The following SHCBP1 variants were observed in gnomAD, a reference collection of about 807,000 sequenced individuals.
The protein encoded by SHCBP1 is SHC SH2 domain-binding protein 1.
Under a neutral mutation model 75.1 loss-of-function variants are expected in SHCBP1, and 60 were observed. The ratio of observed to expected loss-of-function variants is 0.80; its 90% confidence interval spans 0.65 to 0.99. The LOEUF is 0.99. Ranked by LOEUF, SHCBP1 falls within the 50% of genes least tolerant of loss-of-function variation. The pLI is 0.00. For synonymous variants in SHCBP1, 290 were observed against 293.2 expected (o/e 0.99, Z 0.11); for missense variants, 709 against 809.4 (o/e 0.88, Z 1.50).
At chr16:46,589,890 G>A (rs1253851876) in intron 10 of SHCBP1, among the ~76,000 whole-genome samples, 1 of 152,130 alleles carries the variant, frequency 6.6e-6, no homozygotes, top group African/African-American at 2.4e-5. Context: ...GAACAAAGCT[G>A]GAGGCATCAC....
At chr16:46,591,006 C>A (rs909072682) in intron 10 of SHCBP1, among the ~76,000 whole-genome samples, 23 of 152,222 alleles carry the variant, frequency 1.5e-4, no homozygotes, top group African/African-American at 4.3e-4. Flanking sequence ...GATGAGTTCA[C>A]GTCCTTTGTA....
At chr16:46,608,603 CT>C (rs34823071) in intron 4 of SHCBP1, among the ~76,000 whole-genome samples, 23 of 126,988 alleles carry the variant, frequency 1.8e-4, no homozygotes, top group Admixed American at 2.6e-4. Flanking sequence ...TTTGTTAGGA[CT>C]TTTTTTTTTT....
intron 8 of SHCBP1, among the ~76,000 whole-genome samples, chr16:46,602,414 A>G (rs1030256266): frequency 4.6e-5 from 7 of 152,218 alleles, no homozygotes; most frequent in African/African-American, 1.7e-4. Context: ...GATAAAGAGC[A>G]TAGCTTAAGC....
intron 4 of SHCBP1, among the ~76,000 whole-genome samples, chr16:46,615,442 T>C (rs950539875): frequency 6.6e-6 from 1 of 152,176 alleles, no homozygotes; most frequent in African/African-American, 2.4e-5. Context: ...ATAAAATGAT[T>C]TAAAACATTT....
At chr16:46,589,781 A>C (rs1471941226) in intron 10 of SHCBP1, among the ~76,000 whole-genome samples, 1 of 152,240 alleles carries the variant, frequency 6.6e-6, no homozygotes, top group African/African-American at 2.4e-5. Context: ...ATCCCCATCA[A>C]GCTACCAAGG....
intron 4 of SHCBP1, among the ~76,000 whole-genome samples, chr16:46,614,393 C>T (rs776889208): frequency 2.0e-5 from 3 of 152,056 alleles, no homozygotes; most frequent in Non-Finnish European, 4.4e-5. Flanking sequence ...TCTTCTAGTT[C>T]CTGAAGGAAT....
chr16:46,599,910 AG>A lies in SHCBP1; in HGVS notation c.1265del (p.Thr422IlefsTer15). On this transcript the variant is annotated frameshift_variant, in exon 9 of 13. Transcript: ENST00000303383. LOFTEE classifies it high-confidence loss of function. ...TATCAGCACCAGTGCAGTCCACAAA[AG>A]TGTCGCCTTTGCCCCTCTTTTCTAT... The part of the protein sequence containing the change: ...IVIEKRGKGD[T>X]FVDCTGADIK... 1 of 1,613,730 alleles carries A rather than the reference AG, an allele frequency of 6.2e-7. No individual in the cohort carries two copies. The highest frequency in any genetic ancestry group is 8.5e-7 in the Non-Finnish European group (1 of 1,179,896).
chr16:46,619,959 C>T (rs1474023343), intron 1 of SHCBP1, among the ~76,000 whole-genome samples: 2 of 152,022 alleles, frequency 1.3e-5, no homozygotes, highest in African/African-American at 2.4e-5. Flanking sequence ...CATTTGAACC[C>T]GGGAGGCAGA....
chr16:46,605,286 G>T (rs967868044), intron 5 of SHCBP1, among the ~76,000 whole-genome samples: 5 of 152,090 alleles, frequency 3.3e-5, no homozygotes, highest in African/African-American at 1.2e-4. Flanking sequence ...AAATTAATGG[G>T]TTTAAAAATA....
intron 5 of SHCBP1, 24 bp from the exon 6 acceptor site, chr16:46,604,485 A>T: frequency 6.5e-7 from 1 of 1,528,018 alleles, no homozygotes; most frequent in Non-Finnish European, 9.1e-7. Context: ...AGCAAAGTGA[A>T]ATCCACTGCC....
intron 10 of SHCBP1, among the ~76,000 whole-genome samples, chr16:46,587,605 G>C (rs1207696199): frequency 6.6e-6 from 1 of 151,882 alleles, no homozygotes; most frequent in East Asian, 1.9e-4. Flanking sequence ...ATATATATGG[G>C]TGCATATAAC....
intron 4 of SHCBP1, among the ~76,000 whole-genome samples, chr16:46,615,483 T>C (rs1466920050): frequency 6.6e-6 from 1 of 152,236 alleles, no homozygotes; most frequent in East Asian, 1.9e-4. Flanking sequence ...GTCACACCTG[T>C]AATCCCAGCA....
chr16:46,596,731 T>G (rs889595075), intron 9 of SHCBP1, among the ~76,000 whole-genome samples: 1 of 133,014 alleles, frequency 7.5e-6, no homozygotes, highest in African/African-American at 3.1e-5. Flanking sequence ...ATGAGTAAAC[T>G]TTTTTTTTTT....
At chr16:46,609,275 C>T (rs756235168) in intron 4 of SHCBP1, among the ~76,000 whole-genome samples, 2 of 151,894 alleles carry the variant, frequency 1.3e-5, no homozygotes, top group Admixed American at 6.6e-5. Context: ...TGCAGTGAAG[C>T]GAGATCGCAC....
At chr16:46,604,585 TAA>T (rs1246437428) in intron 5 of SHCBP1, 124 bp from the exon 6 acceptor site, 1 of 653,444 alleles carries the variant, frequency 1.5e-6, no homozygotes. Context: ...AGGTGCATGT[TAA>T]GTCTTTCTGA....
At chr16:46,612,457 T>C (rs1965431985) in intron 4 of SHCBP1, among the ~76,000 whole-genome samples, 1 of 152,166 alleles carries the variant, frequency 6.6e-6, no homozygotes, top group African/African-American at 2.4e-5. Flanking sequence ...CACCCTCTAG[T>C]GGAGTCTTTT....
chr16:46,618,226 C>T lies in SHCBP1; in HGVS notation c.250G>A (p.Ala84Thr), dbSNP rs1253203446. Residue 84 changes from alanine to threonine, a missense_variant, in exon 2 of 13, where the codon GCC (alanine) becomes ACC (threonine). Transcript: ENST00000303383. ...NQLLFYERFR[A>T]YQDYILADCK... The stretch of plus-strand genomic sequence containing the variant: ...TCACCTAAAATGTAATCTTGATAGG[C>T]TCTGAATCGCTCATAGAACAAAAGT... 1 of 1,605,856 alleles carries T rather than the reference C, an allele frequency of 6.2e-7. No homozygotes were observed. The highest frequency in any genetic ancestry group is 8.5e-7 in the Non-Finnish European group (1 of 1,177,954).
rs1414013321 is a variant in SHCBP1 at position 46,581,580 on chromosome 16, C to A, written c.*149G>T. Reference sequence around the variant, plus strand: ...AAGAGGGAGTGTTTTATGTGCAACACCTGCAAATGGAAATAAATCTACCTT... The same window carrying A: ...AAGAGGGAGTGTTTTATGTGCAACAACTGCAAATGGAAATAAATCTACCTT... On this transcript the variant is annotated 3_prime_UTR_variant, in exon 13 of 13. Coordinates refer to ENST00000303383, the MANE Select transcript of SHCBP1 (RefSeq NM_024745.5). The A allele has an allele frequency of 7.2e-6, 5 of 691,282 alleles. No homozygotes were observed. The highest frequency in any genetic ancestry group is 2.7e-4 in the Middle Eastern group (1 of 3,734). The allele number at this position is 691,282 out of a possible 1,614,324, so 42.8% of individuals were successfully genotyped here. A position where few individuals can be genotyped will look rare whatever the true frequency, so the allele number is the denominator to read the frequency against.
At chr16:46,584,440 C>A (rs1286708770) in intron 10 of SHCBP1, among the ~76,000 whole-genome samples, 2 of 151,790 alleles carry the variant, frequency 1.3e-5, no homozygotes, top group African/African-American at 2.4e-5. Context: ...TGTTGAAAGA[C>A]ACACTTATTC....
Sources: gnomAD v4.1 joint callset for allele counts (sites outside exome capture counted in the v4.1 genomes callset) on GRCh38, gnomAD v4.1.1 for gene constraint, MANE v1.5 for transcripts, NCBI Gene and HGNC (gene_info 2026-07-23, HGNC 2026-07-21) for gene names.